Variants in DOCK10 observed in about 807,000 individuals in gnomAD.
DOCK10 encodes the protein dedicator of cytokinesis protein 10.
Under a neutral mutation model 280.1 loss-of-function variants are expected in DOCK10, and 145 were observed. That is an observed-to-expected ratio of 0.52 (90% CI 0.45 to 0.59). The LOEUF is 0.59. Ranked by LOEUF, DOCK10 falls within the 20% of genes least tolerant of loss-of-function variation. The pLI, the probability that DOCK10 is intolerant of heterozygous loss-of-function variation, is 0.00. For missense variants in DOCK10, 2,368 were observed against 2,651.7 expected (o/e 0.89, Z 2.35); for synonymous variants, 915 against 942.2 (o/e 0.97, Z 0.53).
At chr2:224,915,724 A>T (rs1701271978) in intron 3 of DOCK10, among the ~76,000 whole-genome samples, 1 of 152,170 alleles carries the variant, frequency 6.6e-6, no homozygotes, top group South Asian at 2.1e-4. Context: ...GCTGGGCTAA[A>T]TTTTGTCACC....
intron 27 of DOCK10, among the ~76,000 whole-genome samples, chr2:224,829,291 A>G (rs1298197298): frequency 2.6e-5 from 4 of 152,316 alleles, no homozygotes; most frequent in African/African-American, 7.2e-5. Flanking sequence ...GATCCCCCCA[A>G]TAGTCATGTA....
In DOCK10 at chr2:224,778,018, C is replaced by T. The variant is rs976641190; in HGVS notation, c.5802+120G>A. On this transcript the variant is annotated intron_variant, in intron 51 of 55. Transcript: ENST00000258390. ...ACCAACAGGCAAACAAGCAAAACAT[C>T]TAAAATCGTTTTTGTAGTTTACTTT... The T allele has an allele frequency of 1.7e-4, 177 of 1,033,286 alleles. 1 individual carries two copies. The South Asian group carries it at 2.8e-3, about 17-fold the overall frequency. The allele number at this position is 1,033,286 out of a possible 1,614,324, so 64.0% of individuals were successfully genotyped here.
At chr2:224,941,925 G>A (rs1028221705) in intron 1 of DOCK10, among the ~76,000 whole-genome samples, 1 of 151,944 alleles carries the variant, frequency 6.6e-6, no homozygotes, top group Non-Finnish European at 1.5e-5. Context: ...TGTTATTAGT[G>A]TGTATGTCAA....
intron 1 of DOCK10, 105 bp from the exon 2 acceptor site, chr2:224,931,773 C>T: frequency 8.0e-7 from 1 of 1,252,486 alleles, no homozygotes; most frequent in South Asian, 1.7e-5. Context: ...TTTAACACTG[C>T]ACAATCCTTC....
intron 1 of DOCK10, among the ~76,000 whole-genome samples, chr2:225,014,109 T>TTTA (rs1689527543): frequency 6.9e-6 from 1 of 145,262 alleles, no homozygotes; most frequent in African/African-American, 2.5e-5. Flanking sequence ...TTTTTTTTTT[T>TTTA]AAGAAATACA....
chr2:224,959,858 C>T (rs1266583580), intron 1 of DOCK10, among the ~76,000 whole-genome samples: 2 of 152,192 alleles, frequency 1.3e-5, no homozygotes, highest in African/African-American at 4.8e-5. Context: ...GGGTTGACTT[C>T]AGTAGTCATT....
chr2:224,846,845 C>G (rs1331970732), intron 19 of DOCK10, among the ~76,000 whole-genome samples: 1 of 152,184 alleles, frequency 6.6e-6, no homozygotes, highest in Non-Finnish European at 1.5e-5. Context: ...GTTGTAGAGA[C>G]AGATGTCTTA....
At position 224,765,802 on chromosome 2, in the gene DOCK10, C is replaced by G. The variant is rs368183880; in HGVS notation, c.6480G>C (p.Val2160=). 19 of 1,613,752 alleles carry G rather than the reference C, an allele frequency of 1.2e-5. No individual in the cohort carries two copies. Among genetic ancestry groups the G allele is most frequent in the Non-Finnish European group, 1.2e-5 (14 of 1,179,854 alleles). ...TGRDDLSKRG[V]DQTCTRVISK... ...TAATTACTCGAGTGCAGGTTTGGTC[C>G]ACTCCGCGCTTTGACAGGTCGTCCC... The change falls in exon 56 of 56, where the codon GTG becomes GTC. Residue 2160 remains valine (V), a synonymous_variant. Transcript: ENST00000258390.
At chr2:224,960,430 T>A (rs922585109) in intron 1 of DOCK10, among the ~76,000 whole-genome samples, 2 of 152,204 alleles carry the variant, frequency 1.3e-5, no homozygotes, top group Non-Finnish European at 2.9e-5. Context: ...AAATAACTTA[T>A]TTGTCTTTAC....
In DOCK10 at chr2:224,774,958, C is replaced by T. The variant is rs1441287504; in HGVS notation, c.5960G>A (p.Gly1987Asp). ...FVFETPFTLS[G>D]KKHGGVAEQC... ...CTCCGCCACCCCACCGTGCTTCTTG[C>T]CCGACAGCGTGAAGGGTGTCTCGAA... is the stretch of plus-strand genomic sequence containing the variant. The change falls in exon 52 of 56, where the codon GGC (glycine) becomes GAC (aspartate). Residue 1987 changes from glycine to aspartate, a missense_variant. By Grantham distance (94) the Gly-to-Asp change is moderately conservative. This residue lies in a region of DOCK10 where 1,159 missense variants were observed against 1,400.8 expected (regional missense o/e 0.83). Transcript: ENST00000258390. 1.2e-6 allele frequency: 2 copies of T among 1,610,008 alleles called. No individual in the cohort carries two copies. The highest frequency in any genetic ancestry group is 1.7e-6 in the Non-Finnish European group (2 of 1,178,068).
At chr2:224,811,696 C>T (rs941031037) in intron 31 of DOCK10, among the ~76,000 whole-genome samples, 11 of 152,130 alleles carry the variant, frequency 7.2e-5, no homozygotes, top group Admixed American at 2.6e-4. Flanking sequence ...TTTCAGCTTT[C>T]TATATATGGC....
At chr2:224,955,223 A>G (rs993562633) in intron 1 of DOCK10, among the ~76,000 whole-genome samples, 2 of 152,224 alleles carry the variant, frequency 1.3e-5, no homozygotes, top group African/African-American at 4.8e-5. Context: ...AGCACATTGT[A>G]TGTAAGTTTT....
In DOCK10 at chr2:224,774,933, C is replaced by T; in HGVS notation, c.5985G>A (p.Glu1995=). ...LSGKKHGGVA[E]QCKRRTILTT... is the part of the protein sequence containing the mutation. ...TCAGGATCGTCCGCCGCTTGCACTGCTCCGCCACCCCACCGTGCTTCTTGC... is the reference window on the plus strand; with the variant it reads ...TCAGGATCGTCCGCCGCTTGCACTGTTCCGCCACCCCACCGTGCTTCTTGC... Residue 1995 remains glutamate, a synonymous_variant, in exon 52 of 56, where the codon GAG becomes GAA. Coordinates refer to ENST00000258390, the MANE Select transcript of DOCK10 (RefSeq NM_014689.3). 6.2e-7 allele frequency: 1 copy of T among 1,604,482 alleles called. No homozygotes were observed. Among genetic ancestry groups the T allele is most frequent in the African/African-American group, 1.3e-5 (1 of 74,928 alleles).
intron 23 of DOCK10, among the ~76,000 whole-genome samples, chr2:224,841,110 G>C (rs1435827763): frequency 6.6e-6 from 1 of 152,154 alleles, no homozygotes; most frequent in East Asian, 1.9e-4. Flanking sequence ...GGCTAGGGAG[G>C]GGAGTGCTGG....
intron 1 of DOCK10, among the ~76,000 whole-genome samples, chr2:225,020,045 C>T (rs1310280267): frequency 6.6e-6 from 1 of 152,110 alleles, no homozygotes; most frequent in Admixed American, 6.6e-5. Flanking sequence ...CAACATATAC[C>T]TATTTGTCTT....
At chr2:224,901,852 T>G (rs1700317815) in intron 3 of DOCK10, among the ~76,000 whole-genome samples, 1 of 152,228 alleles carries the variant, frequency 6.6e-6, no homozygotes, top group African/African-American at 2.4e-5. Flanking sequence ...TTTCACACAG[T>G]GGATTCTAGT....
At chr2:224,874,593 C>T (rs747853656) in intron 9 of DOCK10, 73 bp downstream of exon 9, 116 of 1,396,230 alleles carry the variant, frequency 8.3e-5, no homozygotes, top group Non-Finnish European at 1.0e-4. Flanking sequence ...AAAGCATTTA[C>T]GTCTTTTCCA....
At chr2:224,782,482 A>C (rs1023423521) in intron 50 of DOCK10, among the ~76,000 whole-genome samples, 6 of 152,302 alleles carry the variant, frequency 3.9e-5, no homozygotes, top group African/African-American at 1.4e-4. Context: ...CTGCTGTTTC[A>C]TTACTATGGA....
intron 29 of DOCK10, among the ~76,000 whole-genome samples, chr2:224,817,022 A>C (rs1474055107): frequency 6.6e-6 from 1 of 152,208 alleles, no homozygotes; most frequent in Non-Finnish European, 1.5e-5. Context: ...ATCATGACAC[A>C]TTTATTCTGA....
Sources: allele counts gnomAD v4.1 joint callset (sites outside exome capture counted in the v4.1 genomes callset), GRCh38; gene constraint gnomAD v4.1.1; regional missense constraint gnomAD v4.1.1; transcripts MANE v1.5; gene names NCBI Gene and HGNC (gene_info 2026-07-23, HGNC 2026-07-21).